The following CFAP107 variants were observed in gnomAD, a reference collection of about 807,000 sequenced individuals.
CFAP107 encodes the protein cilia and flagella associated protein 107.
At chr1:12,758,092 T>C in the CFAP107 span, among the ~76,000 whole-genome samples, 5 of 152,230 alleles carry the variant, frequency 3.3e-5, no homozygotes, top group Admixed American at 6.5e-5. Context: ...CAGTAAAGGC[T>C]CTGGGCCCTG....
At chr1:12,755,355 A>G in the CFAP107 span, among the ~76,000 whole-genome samples, 2 of 151,996 alleles carry the variant, frequency 1.3e-5, no homozygotes, top group African/African-American at 4.8e-5. Context: ...CAGTGAGCCG[A>G]GATTGCGCCA....
the CFAP107 span, among the ~76,000 whole-genome samples, chr1:12,749,988 C>T: frequency 6.6e-6 from 1 of 152,138 alleles, no homozygotes; most frequent in Non-Finnish European, 1.5e-5. Flanking sequence ...GGATGTAACT[C>T]TACTCTTTAT....
the CFAP107 span, among the ~76,000 whole-genome samples, chr1:12,746,838 C>T: frequency 1.3e-5 from 2 of 152,072 alleles, no homozygotes; most frequent in African/African-American, 4.8e-5. Context: ...TCAATATAGT[C>T]GTGCCTCTCA....
At chr1:12,748,544 T>A in the CFAP107 span, among the ~76,000 whole-genome samples, 1 of 151,512 alleles carries the variant, frequency 6.6e-6, no homozygotes, top group African/African-American at 2.4e-5. Flanking sequence ...AGCCTTCATG[T>A]TGGGCTGACC....
the CFAP107 span, chr1:12,759,667 C>T: frequency 4.1e-6 from 3 of 727,744 alleles, no homozygotes; most frequent in South Asian, 4.7e-5. Context: ...TGTCCTTTCC[C>T]TTTGACCTGG....
the CFAP107 span, chr1:12,760,919 C>T: frequency 6.2e-7 from 1 of 1,613,662 alleles, no homozygotes; most frequent in Non-Finnish European, 8.5e-7. Flanking sequence ...CCCGGTCCCT[C>T]CCCATCGCCT....
At chr1:12,758,708 C>G in the CFAP107 span, among the ~76,000 whole-genome samples, 1 of 152,208 alleles carries the variant, frequency 6.6e-6, no homozygotes, top group African/African-American at 2.4e-5. Context: ...AGCACTGATT[C>G]AGGCAAACAT....
the CFAP107 span, among the ~76,000 whole-genome samples, chr1:12,751,597 A>T: frequency 5.9e-5 from 9 of 152,332 alleles, no homozygotes; most frequent in African/African-American, 1.9e-4. Context: ...ACTGCACTCC[A>T]ACCTGGGTGA....
At chr1:12,753,160 GGAGAT>G in the CFAP107 span, among the ~76,000 whole-genome samples, 62 of 152,140 alleles carry the variant, frequency 4.1e-4, no homozygotes, top group East Asian at 0.012. Context: ...ACTTAACCAA[GGAGAT>G]GAAAGACTTA....
the CFAP107 span, among the ~76,000 whole-genome samples, chr1:12,750,266 T>A: frequency 6.6e-6 from 1 of 152,036 alleles, no homozygotes; most frequent in Non-Finnish European, 1.5e-5. Flanking sequence ...GGAATCAAAA[T>A]GTGGCCCTCA....
chr1:12,747,946 G>A, the CFAP107 span, among the ~76,000 whole-genome samples: 1 of 152,132 alleles, frequency 6.6e-6, no homozygotes, highest in South Asian at 2.1e-4. Flanking sequence ...AAAGAAAAAA[G>A]CACAAAAACG....
the CFAP107 span, among the ~76,000 whole-genome samples, chr1:12,749,436 C>T: frequency 1.3e-5 from 2 of 152,048 alleles, no homozygotes; most frequent in South Asian, 2.1e-4. Context: ...CATGGTAAAA[C>T]CCTATGTCTA....
the CFAP107 span, chr1:12,746,465 C>T: frequency 6.2e-7 from 1 of 1,613,742 alleles, no homozygotes; most frequent in Non-Finnish European, 8.5e-7. Flanking sequence ...CAGCCACTCT[C>T]TACTCCGAGC....
chr1:12,758,789 T>C, the CFAP107 span, among the ~76,000 whole-genome samples: 1 of 152,160 alleles, frequency 6.6e-6, no homozygotes, highest in Non-Finnish European at 1.5e-5. Context: ...ACTCCCCTAG[T>C]TTCCAGCTGA....
At chr1:12,747,062 C>A in the CFAP107 span, among the ~76,000 whole-genome samples, 1 of 150,224 alleles carries the variant, frequency 6.7e-6, no homozygotes, top group East Asian at 1.9e-4. Context: ...TAATGCATTT[C>A]AATTTTTACT....
chr1:12,750,380 A>G, the CFAP107 span, among the ~76,000 whole-genome samples: 2,572 of 152,354 alleles, frequency 0.017, 40 homozygotes, highest in East Asian at 0.066. Flanking sequence ...GTCCTTCCCT[A>G]TCAGTAATCA....
the CFAP107 span, among the ~76,000 whole-genome samples, chr1:12,757,379 T>G: frequency 8.5e-3 from 1,212 of 143,060 alleles, 11 homozygotes; most frequent in African/African-American, 0.032. Flanking sequence ...TTTTTTTCCT[T>G]TTTTTCTTTT....
At chr1:12,760,630 C>T in the CFAP107 span, 3 of 796,650 alleles carry the variant, frequency 3.8e-6, no homozygotes, top group South Asian at 3.8e-5. Context: ...TCCCTGTGGG[C>T]CTCTGCCAGC....
chr1:12,749,530 G>A, the CFAP107 span, among the ~76,000 whole-genome samples: 1 of 152,200 alleles, frequency 6.6e-6, no homozygotes, highest in African/African-American at 2.4e-5. Context: ...AGGATCACCT[G>A]AGCCTGGGAG....
Sources: allele counts gnomAD v4.1 joint callset (sites outside exome capture counted in the v4.1 genomes callset), GRCh38; gene constraint gnomAD v4.1.1; transcripts MANE v1.5; gene names NCBI Gene and HGNC (gene_info 2026-07-23, HGNC 2026-07-21).